The following ADCY7 variants were observed in gnomAD, a reference collection of about 807,000 sequenced individuals.
The protein encoded by ADCY7 is adenylate cyclase type 7.
Under a neutral mutation model 120.6 loss-of-function variants are expected in ADCY7, and 72 were observed. The observed-to-expected ratio is 0.60, with a 90% CI of 0.49 to 0.73. The LOEUF (loss-of-function observed/expected upper bound fraction) is 0.73. Among genes scored for constraint, ADCY7 ranks in the 30% least tolerant of loss-of-function variants. ADCY7 has a pLI of 0.00. For missense variants in ADCY7, 1,227 were observed against 1,486.0 expected (o/e 0.83, Z 2.87); for synonymous variants, 661 against 628.0 (o/e 1.05, Z -0.78).
intron 6 of ADCY7, 86 bp from the exon 7 acceptor site, chr16:50,294,554 G>C: frequency 1.1e-6 from 1 of 890,318 alleles, no homozygotes; most frequent in Non-Finnish European, 1.7e-6. Flanking sequence ...GCAGGCTCCT[G>C]GGGCTCCAGA....
upstream of ADCY7, among the ~76,000 whole-genome samples, chr16:50,265,510 CAGCTGGGGCTGG>C (rs1017102651): frequency 1.3e-5 from 2 of 152,166 alleles, no homozygotes; most frequent in Non-Finnish European, 2.9e-5. Context: ...ACTCTGTGAC[CAGCTGGGGCTGG>C]ACGCTGGGGA....
intron 6 of ADCY7, among the ~76,000 whole-genome samples, chr16:50,293,823 G>T (rs558756425): frequency 6.6e-6 from 1 of 152,326 alleles, no homozygotes; most frequent in East Asian, 1.9e-4. Context: ...GTTCTCAAGG[G>T]AGCACAGGAC....
chr16:50,255,402 G>GGAAAAAAAAAAAAAAAAAAAAAAAAA (rs368044444), intron 1 of ADCY7, among the ~76,000 whole-genome samples: 1 of 108,142 alleles, frequency 9.2e-6, no homozygotes, highest in African/African-American at 3.7e-5. Context: ...TCTGTTTCTG[G>GGAAAAAAAAAAAAAAAAAAAAAAAAA]AAAAAAAAAA....
chr16:50,304,654 A>G (rs948205973), intron 11 of ADCY7, 103 bp downstream of exon 11: 1 of 1,247,202 alleles, frequency 8.0e-7, no homozygotes, highest in African/African-American at 1.5e-5. Flanking sequence ...CACTGTCCCC[A>G]TCTGTAAAAT....
At chr16:50,271,496 A>G (rs1054897346) in intron 1 of ADCY7, among the ~76,000 whole-genome samples, 6 of 152,300 alleles carry the variant, frequency 3.9e-5, no homozygotes, top group African/African-American at 1.4e-4. Flanking sequence ...ACTCTGTGTT[A>G]GGATGGGGTG....
At chr16:50,277,176 G>A (rs887306151) in intron 1 of ADCY7, among the ~76,000 whole-genome samples, 1 of 152,072 alleles carries the variant, frequency 6.6e-6, no homozygotes, top group East Asian at 1.9e-4. Flanking sequence ...TCCATTGTAA[G>A]GTTGTATCAT....
intron 8 of ADCY7, 36 bp from the exon 9 acceptor site, chr16:50,300,679 A>C (rs1361460027): frequency 1.3e-6 from 2 of 1,549,088 alleles, no homozygotes; most frequent in Non-Finnish European, 1.7e-6. Flanking sequence ...CCCAGGGCTT[A>C]GGCAGGGCTG....
intron 1 of ADCY7, among the ~76,000 whole-genome samples, chr16:50,251,528 G>A (rs769518518): frequency 1.3e-5 from 2 of 152,244 alleles, no homozygotes; most frequent in Non-Finnish European, 1.5e-5. Context: ...GGCCGTGGGA[G>A]GAGGACTGCA....
At chr16:50,290,690 T>C in intron 3 of ADCY7, 30 bp downstream of exon 3, 1 of 1,598,530 alleles carries the variant, frequency 6.3e-7, no homozygotes, top group Non-Finnish European at 8.5e-7. Context: ...CCCTGCCAGC[T>C]GCGCCTTCAG....
chr16:50,309,770 A>C, intron 18 of ADCY7, 124 bp downstream of exon 18: 1 of 845,588 alleles, frequency 1.2e-6, no homozygotes, highest in Non-Finnish European at 1.8e-6. Context: ...GAGGCTGAGA[A>C]CAGCCTCTCC....
intron 8 of ADCY7, among the ~76,000 whole-genome samples, chr16:50,300,381 CTT>C (rs1292883688): frequency 6.6e-6 from 1 of 152,190 alleles, no homozygotes; most frequent in East Asian, 1.9e-4. Flanking sequence ...CCCCAGTAAA[CTT>C]TTAAAACCCA....
intron 12 of ADCY7, 102 bp downstream of exon 12, chr16:50,305,061 C>A: frequency 6.9e-7 from 1 of 1,445,624 alleles, no homozygotes; most frequent in Non-Finnish European, 9.6e-7. Context: ...CAAGGCCCAG[C>A]CCAGGACCTC....
chr16:50,312,246 T>C, intron 21 of ADCY7, 55 bp downstream of exon 21: 1 of 1,593,852 alleles, frequency 6.3e-7, no homozygotes, highest in Non-Finnish European at 8.6e-7. Flanking sequence ...CCAGGCGCAG[T>C]CCGTAGGGTG....
At position 50,288,092 on chromosome 16, in the gene ADCY7, A is replaced by G; in HGVS notation, c.-88A>G. 6.9e-7 allele frequency: 1 copy of G among 1,444,144 alleles called. No individual in the cohort carries two copies. Among genetic ancestry groups the G allele is most frequent in the Non-Finnish European group, 9.2e-7 (1 of 1,087,910 alleles). 89.5% of individuals were successfully genotyped at this position (1,444,144 alleles called of 1,614,324 possible). A position where few individuals can be genotyped will look rare whatever the true frequency, so the allele number is the denominator to read the frequency against. On this transcript the variant is annotated 5_prime_UTR_variant, in exon 2 of 26. Transcript: ENST00000673801. Reference sequence around the variant, plus strand: ...TCGGAGAGGACAGAGGCCTAGGCCCACGGGGGAGGGTGTTGGCAGACAGAT... The same window carrying G: ...TCGGAGAGGACAGAGGCCTAGGCCCGCGGGGGAGGGTGTTGGCAGACAGAT...
At chr16:50,313,751 G>A in intron 22 of ADCY7, 1 of 574,138 alleles carries the variant, frequency 1.7e-6, no homozygotes, top group Non-Finnish European at 3.1e-6. Context: ...ACAGTGTGGG[G>A]ACGGAGACAA....
In ADCY7 at chr16:50,316,925, C is replaced by T. The variant is rs949984255; in HGVS notation, c.*1420C>T. On this transcript the variant is annotated 3_prime_UTR_variant, in exon 26 of 26. Coordinates refer to ENST00000673801, the MANE Select transcript of ADCY7 (RefSeq NM_001114.5). ...TCCCCATGAACCCCGTAAAGTTCTACACAAAGTCTTGCATACAGGAGCCTT... is the reference window on the plus strand; with the variant it reads ...TCCCCATGAACCCCGTAAAGTTCTATACAAAGTCTTGCATACAGGAGCCTT... 1.3e-5 allele frequency: 2 copies of T among 152,636 alleles called. No individual in the cohort carries two copies. The highest frequency in any genetic ancestry group is 4.8e-5 in the African/African-American group (2 of 41,440). The allele number at this position is 152,636 out of a possible 1,614,324, so 9.5% of individuals were successfully genotyped here.
intron 2 of ADCY7, chr16:50,289,181 ATCCTCCTTT>A (rs565524596): frequency 1.2e-5 from 4 of 320,706 alleles, no homozygotes; most frequent in African/African-American, 6.8e-5. Flanking sequence ...CATTCTCAGA[ATCCTCCTTT>A]TGTTTTTTTT....
At chr16:50,314,237 A>G in intron 23 of ADCY7, 55 bp from the exon 24 acceptor site, 1 of 1,540,080 alleles carries the variant, frequency 6.5e-7, no homozygotes. Context: ...GCCAGGGCCC[A>G]CTAGGTCTGG....
In ADCY7 at chr16:50,317,697, G is replaced by C. The variant is rs1269585990; in HGVS notation, c.*2192G>C. 2.6e-5 allele frequency: 4 copies of C among 152,240 alleles called. No homozygotes were observed. Among genetic ancestry groups the C allele is most frequent in the African/African-American group, 4.8e-5 (2 of 41,402 alleles). The allele number at this position is 152,240 out of a possible 1,614,324, so 9.4% of individuals were successfully genotyped here. ...AACTGACCATAAAAATTACCTGCAG[G>C]TATTTTCTTTTTATGAACTTGTTTT... On this transcript the variant is annotated 3_prime_UTR_variant, in exon 26 of 26. Transcript: ENST00000673801.
Sources: allele counts gnomAD v4.1 joint callset (sites outside exome capture counted in the v4.1 genomes callset), GRCh38; gene constraint gnomAD v4.1.1; transcripts MANE v1.5; gene names NCBI Gene and HGNC (gene_info 2026-07-23, HGNC 2026-07-21).